JMJD6: variants seen among roughly 807,000 people sequenced by gnomAD.
JMJD6 encodes the protein bifunctional arginine demethylase and lysyl-hydroxylase JMJD6.
Under a neutral mutation model 45.8 loss-of-function variants are expected in JMJD6, and 17 were observed. The ratio of observed to expected loss-of-function variants is 0.37; its 90% CI spans 0.25 to 0.56. The LOEUF (loss-of-function observed/expected upper bound fraction) is 0.56. Among genes scored for constraint, JMJD6 ranks in the 20% least tolerant of loss-of-function variants. The pLI is 0.79. For synonymous variants in JMJD6, 221 were observed against 196.3 expected (o/e 1.13, Z -1.05); for missense variants, 470 against 517.5 (o/e 0.91, Z 0.89).
At chr17:76,720,205 C>A (rs1307358356) in intron 5 of JMJD6, among the ~76,000 whole-genome samples, 155 bp downstream of exon 5, 4 of 152,240 alleles carry the variant, frequency 2.6e-5, no homozygotes, top group Admixed American at 2.6e-4. Context: ...ATACACCACT[C>A]AGCAGGAATG....
downstream of JMJD6, among the ~76,000 whole-genome samples, chr17:76,717,656 T>A (rs150764528): frequency 0.015 from 2,299 of 151,984 alleles, 73 homozygotes; most frequent in African/African-American, 0.052. Flanking sequence ...AAGACCAGCC[T>A]GGGCAACACA....
Position 76,725,710 on chromosome 17 carries a change from C to G in JMJD6, c.275G>C (p.Arg92Thr). 1 of 1,614,092 alleles carries G rather than the reference C, an allele frequency of 6.2e-7. No homozygotes were observed. Among genetic ancestry groups the G allele is most frequent in the Non-Finnish European group, 8.5e-7 (1 of 1,180,000 alleles). The change falls in exon 2 of 6, where the codon AGG becomes ACG. Residue 92 changes from arginine (R) to threonine (T), a missense_variant. By Grantham distance (71) the Arg-to-Thr change is moderately conservative (BLOSUM62 -1). This residue lies in a region of JMJD6 where 346 missense variants were observed against 339.5 expected (regional missense o/e 1.02). Coordinates refer to ENST00000397625, the MANE Select transcript of JMJD6 (RefSeq NM_015167.3). Reference sequence around the variant, plus strand: ...CTTGAACTTCTGGTTCCGATATTTCCTTTTTAGGCGCTCCAGAGTCCATTT... The same window carrying G: ...CTTGAACTTCTGGTTCCGATATTTCGTTTTTAGGCGCTCCAGAGTCCATTT... The part of the protein sequence containing the change: ...QEKWTLERLK[R>T]KYRNQKFKCG...
At chr17:76,715,371 C>T (rs951294440), downstream of JMJD6, 2 of 152,168 alleles carry the variant, frequency 1.3e-5, no homozygotes, top group Non-Finnish European at 2.9e-5. Flanking sequence ...GTTCTACCTA[C>T]CCAGCCACAT....
chr17:76,716,583 A>T, downstream of JMJD6: 1 of 1,085,146 alleles, frequency 9.2e-7, no homozygotes, highest in Non-Finnish European at 1.4e-6. Flanking sequence ...TCCAAATTCA[A>T]AGAAGACAGA....
At chr17:76,715,190 T>C (rs930287241), downstream of JMJD6, 1 of 152,164 alleles carries the variant, frequency 6.6e-6, no homozygotes, top group Admixed American at 6.5e-5. Context: ...GAAAAGTCTT[T>C]TTAAAAAGCA....
chr17:76,714,358 G>T (rs1352724775), downstream of JMJD6: 1 of 152,256 alleles, frequency 6.6e-6, no homozygotes, highest in Non-Finnish European at 1.5e-5. Flanking sequence ...AATCATCCCT[G>T]AAAATAATCT....
chr17:76,718,967 C>T, intron 5 of JMJD6, 107 bp from the exon 6 acceptor site: 3 of 1,099,728 alleles, frequency 2.7e-6, no homozygotes, highest in South Asian at 3.1e-5. Flanking sequence ...GTCACTTTCT[C>T]CCAAATGCAA....
chr17:76,720,098 T>C (rs938195159), intron 5 of JMJD6, among the ~76,000 whole-genome samples: 5 of 152,146 alleles, frequency 3.3e-5, no homozygotes, highest in Non-Finnish European at 7.3e-5. Flanking sequence ...TGAGCCGAGA[T>C]CGCGCCATTG....
Position 76,726,390 on chromosome 17 carries a change from T to C in JMJD6, c.86A>G (p.His29Arg). 6.2e-7 allele frequency: 1 copy of C among 1,605,126 alleles called. No individual in the cohort carries two copies. The highest frequency in any genetic ancestry group is 8.5e-7 in the Non-Finnish European group (1 of 1,176,668). The change falls in exon 1 of 6, where the codon CAC (histidine) becomes CGC (arginine). Residue 29 changes from histidine (H) to arginine (R), a missense_variant. Coordinates refer to ENST00000397625, the MANE Select transcript of JMJD6 (RefSeq NM_015167.3). ...CAGCGAGAAGCTCTCGTAGTAGTTG[T>C]GCCGGGTCCAATCCAGCGAGTCCTT... is the stretch of plus-strand genomic sequence containing the variant. ...ELKDSLDWTR[H>R]NYYESFSLSP...
intron 4 of JMJD6, 65 bp downstream of exon 4, chr17:76,721,733 C>G: frequency 6.5e-7 from 1 of 1,532,354 alleles, no homozygotes; most frequent in Non-Finnish European, 9.0e-7. Flanking sequence ...CAGCAGTGGA[C>G]TAGCCATTTT....
intron 5 of JMJD6, 144 bp downstream of exon 5, chr17:76,720,216 G>GT (rs1196268096): frequency 2.8e-6 from 2 of 714,638 alleles, no homozygotes; most frequent in Non-Finnish European, 4.7e-6. Flanking sequence ...AGCAGGAATG[G>GT]TGACAACTGT....
At position 76,724,028 on chromosome 17, in the gene JMJD6, T is replaced by C; in HGVS notation, c.549A>G (p.Gly183=). Reference sequence around the variant, plus strand: ...CCAGAGGGTCGATGTGAATCCCAGTTCCGGAGCGTGGTGGCCCCATCACAA... The same window carrying C: ...CCAGAGGGTCGATGTGAATCCCAGTCCCGGAGCGTGGTGGCCCCATCACAA... ...RWFVMGPPRS[G]TGIHIDPLGT... is the part of the protein sequence containing the mutation. The change falls in exon 3 of 6, where the codon GGA becomes GGG. Residue 183 remains glycine (G), a synonymous_variant. Coordinates refer to ENST00000397625, the MANE Select transcript of JMJD6 (RefSeq NM_015167.3). The C allele has an allele frequency of 6.2e-7, 1 of 1,614,076 alleles. No individual in the cohort carries two copies. The highest frequency in any genetic ancestry group is 8.5e-7 in the Non-Finnish European group (1 of 1,180,016).
chr17:76,724,999 C>T (rs898933996), intron 2 of JMJD6, among the ~76,000 whole-genome samples: 4 of 152,154 alleles, frequency 2.6e-5, no homozygotes, highest in African/African-American at 9.7e-5. Flanking sequence ...CCCAGTAGGG[C>T]CCAGGCAGGC....
chr17:76,721,182 A>G (rs1222189500), intron 4 of JMJD6: 2 of 262,342 alleles, frequency 7.6e-6, no homozygotes, highest in Non-Finnish European at 8.4e-6. Context: ...CCAAGAGTCC[A>G]GGGAGAACAG....
rs755000096 is a variant in JMJD6, at chr17:76,723,979, C to G, written c.598G>C (p.Val200Leu). Residue 200 changes from valine to leucine, a missense_variant, in exon 3 of 6, where the codon GTT becomes CTT. Coordinates refer to ENST00000397625, the MANE Select transcript of JMJD6 (RefSeq NM_015167.3). The part of the protein sequence containing the change: ...PLGTSAWNAL[V>L]QGHKRWCLFP... Reference sequence around the variant, plus strand: ...AGGCACCAGCGCTTGTGGCCCTGAACTAAGGCATTCCAGGCACTGGTTCCC... The same window carrying G: ...AGGCACCAGCGCTTGTGGCCCTGAAGTAAGGCATTCCAGGCACTGGTTCCC... 1 of 1,614,042 alleles carries G rather than the reference C, an allele frequency of 6.2e-7. No homozygotes were observed. Among genetic ancestry groups the G allele is most frequent in the African/African-American group, 1.3e-5 (1 of 74,898 alleles).
chr17:76,722,683 T>C (rs751814031), intron 3 of JMJD6, among the ~76,000 whole-genome samples: 1 of 151,602 alleles, frequency 6.6e-6, no homozygotes, highest in Non-Finnish European at 1.5e-5. Context: ...CCGTCTCTAC[T>C]AAAATACAAA....
At chr17:76,718,160 C>CA (rs11335765), downstream of JMJD6, among the ~76,000 whole-genome samples, 59 of 65,798 alleles carry the variant, frequency 9.0e-4, no homozygotes, top group African/African-American at 2.8e-3. Context: ...GACCCTGTCT[C>CA]AAAAAAAAAA....
chr17:76,720,215 G>A, intron 5 of JMJD6, 145 bp downstream of exon 5: 1 of 708,162 alleles, frequency 1.4e-6, no homozygotes, highest in African/African-American at 1.8e-5. Flanking sequence ...CAGCAGGAAT[G>A]GTGACAACTG....
intron 2 of JMJD6, among the ~76,000 whole-genome samples, chr17:76,725,100 G>A (rs2076890427): frequency 6.6e-6 from 1 of 152,124 alleles, no homozygotes; most frequent in Non-Finnish European, 1.5e-5. Context: ...GCGAGCAAAT[G>A]CTGTTGTAGA....
Sources: allele counts gnomAD v4.1 joint callset (sites outside exome capture counted in the v4.1 genomes callset), GRCh38; gene constraint gnomAD v4.1.1; regional missense constraint gnomAD v4.1.1; transcripts MANE v1.5; gene names NCBI Gene and HGNC (gene_info 2026-07-23, HGNC 2026-07-21).